Variants in FBP1 observed in about 807,000 individuals in gnomAD.
FBP1 encodes the protein fructose-1,6-bisphosphatase 1.
FBP1 carries 22 observed loss-of-function variants against 29.9 expected under a neutral mutation model. That is an observed-to-expected ratio of 0.74 (90% confidence interval 0.53 to 1.05). The LOEUF is 1.05. Ranked by LOEUF, FBP1 falls within the 50% of genes least tolerant of loss-of-function variation. The probability of loss-of-function intolerance (pLI) is 0.00; values close to 1 mark genes in which losing one functional copy is unlikely to be tolerated. For missense variants in FBP1, 345 were observed against 448.2 expected (o/e 0.77, Z 2.08); for synonymous variants, 175 against 178.6 (o/e 0.98, Z 0.16).
At chr9:94,623,562 G>A (rs566173768) in intron 1 of FBP1, among the ~76,000 whole-genome samples, 15 of 152,368 alleles carry the variant, frequency 9.8e-5, no homozygotes, top group Middle Eastern at 3.4e-3. Context: ...CAGAGGGGCC[G>A]AAGGCACTGG....
Position 94,603,670 on chromosome 9 carries a change from T to G in FBP1, c.826-98A>C, listed in dbSNP as rs41281160. ...AAAACATGCAGAGCTGGTGGGAGTTTCCAAGGGAACGAATACTGTATTTTT... is the reference window on the plus strand; with the variant it reads ...AAAACATGCAGAGCTGGTGGGAGTTGCCAAGGGAACGAATACTGTATTTTT... On this transcript the variant is annotated intron_variant, in intron 6 of 6. Transcript: ENST00000375326. The G allele has an allele frequency of 5.5e-3, 6,188 of 1,118,066 alleles. 33 individuals carry two copies. The highest frequency in any genetic ancestry group is 0.013 in the Middle Eastern group (56 of 4,478). The allele number at this position is 1,118,066 out of a possible 1,614,324, so 69.3% of individuals were successfully genotyped here. A position where few individuals can be genotyped will look rare whatever the true frequency, so the allele number is the denominator to read the frequency against.
intron 1 of FBP1, among the ~76,000 whole-genome samples, chr9:94,625,455 C>T (rs1283589063): frequency 4.0e-5 from 6 of 151,844 alleles, no homozygotes; most frequent in African/African-American, 7.2e-5. Flanking sequence ...ACAGAACTGA[C>T]GGGGCTGCCC....
upstream of FBP1, among the ~76,000 whole-genome samples, chr9:94,639,729 C>CG (rs1563992020): frequency 1.3e-5 from 2 of 148,464 alleles, no homozygotes; most frequent in African/African-American, 5.0e-5. Context: ...CTGTCGCCCC[C>CG]CACACACACC....
In FBP1 at chr9:94,633,935, T is replaced by A. The variant is rs537830011; in HGVS notation, c.170+5206A>T. Among the ~76,000 whole-genome samples the A allele has an allele frequency of 6.6e-5, 10 of 151,238 alleles. No homozygotes were observed. The South Asian group carries it at 1.9e-3, about 28-fold the overall frequency. On this transcript the variant is annotated intron_variant, in intron 1 of 6. Transcript: ENST00000375326. ...GTTGGCCAGGATGGTCTCGATCTCC[T>A]GACCTCGTGATCCGCCCGACTCGGC...
chr9:94,611,051 G>A (rs1827777249), intron 3 of FBP1, among the ~76,000 whole-genome samples: 1 of 152,018 alleles, frequency 6.6e-6, no homozygotes, highest in Non-Finnish European at 1.5e-5. Context: ...TTTTAGTAGA[G>A]AGGGGGTTTC....
At chr9:94,627,078 C>T (rs1828036290) in intron 1 of FBP1, among the ~76,000 whole-genome samples, 3 of 151,926 alleles carry the variant, frequency 2.0e-5, no homozygotes, top group Admixed American at 2.0e-4. Context: ...ATCCCAGCTA[C>T]TCAGGAGGCT....
intron 4 of FBP1, among the ~76,000 whole-genome samples, chr9:94,608,518 G>A (rs7044193): frequency 0.05 from 7,642 of 152,190 alleles, 674 homozygotes; most frequent in African/African-American, 0.17. Flanking sequence ...GTCAGGGCCC[G>A]GCAAATCACA....
intron 6 of FBP1, among the ~76,000 whole-genome samples, chr9:94,604,927 T>C (rs1827674820): frequency 6.6e-6 from 1 of 152,170 alleles, no homozygotes; most frequent in Non-Finnish European, 1.5e-5. Flanking sequence ...GGGAACACCA[T>C]GGGCTTGGAC....
intron 1 of FBP1, among the ~76,000 whole-genome samples, chr9:94,633,976 G>T (rs1480803601): frequency 6.6e-6 from 1 of 150,514 alleles, no homozygotes; most frequent in Non-Finnish European, 1.5e-5. Flanking sequence ...AAAGCGCTAG[G>T]ATTACAGGCG....
chr9:94,607,941 C>A (rs921485013), intron 4 of FBP1, among the ~76,000 whole-genome samples: 1 of 152,096 alleles, frequency 6.6e-6, no homozygotes, highest in Non-Finnish European at 1.5e-5. Flanking sequence ...TACTTTTATG[C>A]CTTTTTTAAT....
At chr9:94,631,130 A>G in intron 1 of FBP1, among the ~76,000 whole-genome samples, 1 of 152,244 alleles carries the variant, frequency 6.6e-6, no homozygotes, top group Middle Eastern at 3.2e-3. Flanking sequence ...ATTTTATTCA[A>G]ATTAGTTGGC....
chr9:94,607,543 G>A (rs952885839), intron 4 of FBP1, among the ~76,000 whole-genome samples: 1 of 152,192 alleles, frequency 6.6e-6, no homozygotes, highest in East Asian at 1.9e-4. Context: ...GCTCGCTGGC[G>A]TGTGAAGTTT....
intron 1 of FBP1, among the ~76,000 whole-genome samples, chr9:94,623,526 C>T (rs899657141): frequency 1.3e-5 from 2 of 152,232 alleles, no homozygotes; most frequent in African/African-American, 4.8e-5. Flanking sequence ...CTGACAGGGA[C>T]AGCTCGGGGG....
intron 1 of FBP1, 29 bp downstream of exon 1, chr9:94,639,112 C>T: frequency 1.3e-6 from 2 of 1,572,266 alleles, no homozygotes; most frequent in Non-Finnish European, 1.7e-6. Context: ...ACAGACAGGA[C>T]GGGGCCCACC....
chr9:94,640,052 G>A (rs560912090), upstream of FBP1: 2 of 152,998 alleles, frequency 1.3e-5, no homozygotes, highest in East Asian at 3.9e-4. Context: ...ACCCATCTGA[G>A]GGCCCACGTC....
At chr9:94,637,743 G>A (rs28402377) in intron 1 of FBP1, among the ~76,000 whole-genome samples, 16,198 of 152,046 alleles carry the variant, frequency 0.11, 1,052 homozygotes, top group East Asian at 0.24. Flanking sequence ...TTAGTAAAGT[G>A]TATGGACAAT....
rs752198321 is a variant in FBP1, at chr9:94,603,349, G to C, written c.*32C>G. 1 of 1,588,844 alleles carries C rather than the reference G, an allele frequency of 6.3e-7. No homozygotes were observed. The highest frequency in any genetic ancestry group is 2.3e-5 in the East Asian group (1 of 44,414). ...GTGTGAGACAAAAGGTCCAGGTAGA[G>C]GCAATTCTCCGGATGCAGGCAGGGC... On this transcript the variant is annotated 3_prime_UTR_variant, in exon 7 of 7. Coordinates refer to ENST00000375326, the MANE Select transcript of FBP1 (RefSeq NM_000507.4).
intron 1 of FBP1, among the ~76,000 whole-genome samples, chr9:94,624,063 C>T (rs1043795150): frequency 7.9e-5 from 12 of 152,110 alleles, no homozygotes; most frequent in Admixed American, 7.2e-4. Context: ...AGGCCGGGCA[C>T]GGTGGCTCAT....
intron 1 of FBP1, among the ~76,000 whole-genome samples, chr9:94,637,098 C>A (rs572960841): frequency 6.6e-6 from 1 of 152,284 alleles, no homozygotes; most frequent in African/African-American, 2.4e-5. Context: ...GGGTATGTTT[C>A]TAAAATAAGA....
Sources: gnomAD v4.1 joint callset for allele counts (sites outside exome capture counted in the v4.1 genomes callset) on GRCh38, gnomAD v4.1.1 for gene constraint, MANE v1.5 for transcripts, NCBI Gene and HGNC (gene_info 2026-07-23, HGNC 2026-07-21) for gene names.